The following UBXN2B variants were observed in gnomAD, a reference collection of about 807,000 sequenced individuals.
UBXN2B encodes UBX domain protein 2B.
UBXN2B carries 19 observed loss-of-function variants against 37.5 expected under a neutral mutation model. That is an observed-to-expected ratio of 0.51 (90% CI 0.35 to 0.74). UBXN2B has a LOEUF of 0.74. Ranked by LOEUF, UBXN2B falls within the 30% of genes least tolerant of loss-of-function variation. The pLI, the probability that UBXN2B is intolerant of heterozygous loss-of-function variation, is 0.01. For missense variants in UBXN2B, 370 were observed against 393.2 expected (o/e 0.94, Z 0.50); for synonymous variants, 145 against 143.8 (o/e 1.01, Z -0.06).
At position 58,411,391 on chromosome 8, in the gene UBXN2B, G is replaced by A. The variant is rs1221694223; in HGVS notation, c.6G>A (p.Ala2=). M[A]EGGGPEPGEQ... ...GCGCCGCTAGCCAGCGGAAGATGGC[G>A]GAGGGCGGAGGCCCTGAGCCCGGCG... The change falls in exon 1 of 8, where the codon GCG becomes GCA. Residue 2 remains alanine (A), a synonymous_variant. Coordinates refer to ENST00000399598, the MANE Select transcript of UBXN2B (RefSeq NM_001077619.2). 1.6e-6 allele frequency: 2 copies of A among 1,269,072 alleles called. No individual in the cohort carries two copies. Among genetic ancestry groups the A allele is most frequent in the Non-Finnish European group, 1.0e-6 (1 of 1,003,398 alleles). 78.6% of individuals were successfully genotyped at this position (1,269,072 alleles called of 1,614,324 possible).
At chr8:58,424,508 C>A in intron 2 of UBXN2B, 2 of 714,734 alleles carry the variant, frequency 2.8e-6, no homozygotes, top group Non-Finnish European at 4.8e-6. Flanking sequence ...TTCACATAAA[C>A]TTTCTTGCGA....
In UBXN2B at chr8:58,411,380, C is replaced by A; in HGVS notation, c.-6C>A. 1 of 1,268,002 alleles carries A rather than the reference C, an allele frequency of 7.9e-7. No homozygotes were observed. The allele number at this position is 1,268,002 out of a possible 1,614,324, so 78.5% of individuals were successfully genotyped here. On this transcript the variant is annotated 5_prime_UTR_variant, in exon 1 of 8. Transcript: ENST00000399598. ...GTCCGCAGCGGGCGCCGCTAGCCAG[C>A]GGAAGATGGCGGAGGGCGGAGGCCC...
At chr8:58,434,364 TA>T (rs761792957) in intron 4 of UBXN2B, 30 bp from the exon 5 acceptor site, 6,054 of 599,036 alleles carry the variant, frequency 0.01, 29 homozygotes, top group African/African-American at 0.015. Context: ...TATATATATA[TA>T]TATATTTTTT....
chr8:58,436,489 G>A (rs887041650), intron 5 of UBXN2B, among the ~76,000 whole-genome samples: 1 of 152,140 alleles, frequency 6.6e-6, no homozygotes, highest in Non-Finnish European at 1.5e-5. Flanking sequence ...CCCCTACCTC[G>A]ACACTGAATG....
In UBXN2B at chr8:58,425,605, T is replaced by A. The variant is rs531847466; in HGVS notation, c.189-4914T>A. ...GCCGTAGAGAAGTATGCACTCCTGT[T>A]GTTGTAGTGTCTCAAATTCTTCCGA... On this transcript the variant is annotated intron_variant, in intron 2 of 7. Coordinates refer to ENST00000399598, the MANE Select transcript of UBXN2B (RefSeq NM_001077619.2). 19 of 1,077,242 alleles carry A rather than the reference T, an allele frequency of 1.8e-5. No homozygotes were observed. In the East Asian group the frequency reaches 4.5e-4, roughly 26 times the overall value. 66.7% of individuals were successfully genotyped at this position (1,077,242 alleles called of 1,614,324 possible). A position where few individuals can be genotyped will look rare whatever the true frequency, so the allele number is the denominator to read the frequency against.
At chr8:58,421,834 A>G (rs1807933586) in intron 2 of UBXN2B, among the ~76,000 whole-genome samples, 1 of 152,270 alleles carries the variant, frequency 6.6e-6, no homozygotes, top group Non-Finnish European at 1.5e-5. Flanking sequence ...GTTACATAAG[A>G]ACATGATAGT....
At chr8:58,446,440 G>A (rs1808670738) in intron 7 of UBXN2B, among the ~76,000 whole-genome samples, 1 of 151,898 alleles carries the variant, frequency 6.6e-6, no homozygotes, top group African/African-American at 2.4e-5. Flanking sequence ...ATTTTGATTG[G>A]GATTAATTTT....
chr8:58,442,720 G>T (rs1208935262), intron 6 of UBXN2B, among the ~76,000 whole-genome samples: 1 of 152,210 alleles, frequency 6.6e-6, no homozygotes, highest in African/African-American at 2.4e-5. Flanking sequence ...AGCTAGAGTA[G>T]TGCCTAACAA....
chr8:58,429,404 C>T (rs572385027), intron 2 of UBXN2B, among the ~76,000 whole-genome samples: 7 of 152,292 alleles, frequency 4.6e-5, no homozygotes, highest in African/African-American at 1.7e-4. Context: ...TGAGTGTAAG[C>T]TTGGGACAAG....
At chr8:58,427,923 GAGA>G (rs1177240940) in intron 2 of UBXN2B, among the ~76,000 whole-genome samples, 33 of 152,222 alleles carry the variant, frequency 2.2e-4, no homozygotes, top group African/African-American at 8.0e-4. Flanking sequence ...CAGTAAAATA[GAGA>G]AGGAGATGTT....
intron 6 of UBXN2B, 129 bp downstream of exon 6, chr8:58,439,899 TTAATATTATATCA>T (rs1357934432): frequency 1.1e-5 from 8 of 711,962 alleles, no homozygotes; most frequent in African/African-American, 1.1e-4. Flanking sequence ...TATACATCTG[TTAATATTATATCA>T]TAATATTATA....
chr8:58,411,609 T>C (rs1300758502), intron 1 of UBXN2B, 140 bp downstream of exon 1: 2 of 630,720 alleles, frequency 3.2e-6, no homozygotes, highest in Non-Finnish European at 4.6e-6. Context: ...CGGCGCCCGG[T>C]CTCCCGATGT....
intron 5 of UBXN2B, among the ~76,000 whole-genome samples, chr8:58,438,169 C>T (rs555359057): frequency 2.0e-5 from 3 of 152,324 alleles, no homozygotes; most frequent in East Asian, 3.9e-4. Context: ...TGGTGGCTTT[C>T]GCATGGTGTT....
At chr8:58,434,778 C>T in intron 5 of UBXN2B, 1 of 1,515,766 alleles carries the variant, frequency 6.6e-7, no homozygotes, top group Non-Finnish European at 8.8e-7. Flanking sequence ...CAAGAAGAAA[C>T]ATCTTAATGT....
chr8:58,425,524 A>G (rs1808059865), intron 2 of UBXN2B: 3 of 1,089,742 alleles, frequency 2.8e-6, no homozygotes, highest in South Asian at 1.3e-5. Flanking sequence ...ATCAAAGGGC[A>G]GGTTATTTTT....
chr8:58,432,575 G>T (rs922582992), intron 3 of UBXN2B, among the ~76,000 whole-genome samples: 1 of 151,640 alleles, frequency 6.6e-6, no homozygotes, highest in Non-Finnish European at 1.5e-5. Flanking sequence ...GTAGAGACGG[G>T]GTTTCACCAT....
chr8:58,441,361 A>ATATATATATATATATATATATATATATG (rs1294694744), intron 6 of UBXN2B, among the ~76,000 whole-genome samples: 1 of 147,192 alleles, frequency 6.8e-6, no homozygotes, highest in African/African-American at 2.6e-5. Context: ...ATATATATAT[A>ATATATATATATATATATATATATATATG]TATATATGTA....
intron 1 of UBXN2B, among the ~76,000 whole-genome samples, chr8:58,413,524 A>G (rs930532763): frequency 1.3e-5 from 2 of 152,152 alleles, no homozygotes; most frequent in East Asian, 3.9e-4. Context: ...GATATTTCTT[A>G]CTTCCCTAAC....
intron 2 of UBXN2B, chr8:58,426,070 T>C: frequency 7.2e-7 from 1 of 1,390,138 alleles, no homozygotes; most frequent in Non-Finnish European, 1.0e-6. Flanking sequence ...TCAGAGGATA[T>C]TTAAGCTCAA....
Sources: allele counts gnomAD v4.1 joint callset (sites outside exome capture counted in the v4.1 genomes callset), GRCh38; gene constraint gnomAD v4.1.1; transcripts MANE v1.5; gene names NCBI Gene and HGNC (gene_info 2026-07-23, HGNC 2026-07-21).